RIMS2: variants seen among roughly 807,000 people sequenced by gnomAD.
RIMS2 encodes regulating synaptic membrane exocytosis protein 2.
Under a neutral mutation model 174.4 loss-of-function variants are expected in RIMS2, and 59 were observed. That is an observed-to-expected ratio of 0.34 (90% CI 0.27 to 0.42). RIMS2 has a LOEUF of 0.42. Ranked by LOEUF, RIMS2 falls within the 10% of genes least tolerant of loss-of-function variation. The pLI, the probability that RIMS2 is intolerant of heterozygous loss-of-function variation, is 1.00. For synonymous variants in RIMS2, 606 were observed against 572.5 expected (o/e 1.06, Z -0.84); for missense variants, 1,620 against 1,666.3 (o/e 0.97, Z 0.48).
At chr8:103,819,315 T>C in intron 3 of RIMS2, 1 of 1,414,792 alleles carries the variant, frequency 7.1e-7, no homozygotes, top group Non-Finnish European at 9.2e-7. Flanking sequence ...CTGAATCTTC[T>C]ACGACTGAAT....
chr8:103,506,528 C>T (rs938233804), intron 1 of RIMS2, among the ~76,000 whole-genome samples: 5 of 151,830 alleles, frequency 3.3e-5, no homozygotes, highest in African/African-American at 4.8e-5. Context: ...CTCTGAGTTT[C>T]CTCATCTATA....
chr8:104,093,232 A>G (rs1204728496), intron 19 of RIMS2, among the ~76,000 whole-genome samples: 1 of 151,964 alleles, frequency 6.6e-6, no homozygotes, highest in Non-Finnish European at 1.5e-5. Context: ...AAACTATTTT[A>G]ATGGCCTTCA....
chr8:103,623,959 G>C (rs1029243113), intron 1 of RIMS2, among the ~76,000 whole-genome samples: 3 of 151,920 alleles, frequency 2.0e-5, no homozygotes, highest in Admixed American at 6.5e-5. Flanking sequence ...AAATTTAAGA[G>C]GGAAAAAATG....
chr8:103,836,009 T>G (rs1373650085), intron 3 of RIMS2, among the ~76,000 whole-genome samples: 1 of 152,198 alleles, frequency 6.6e-6, no homozygotes, highest in Non-Finnish European at 1.5e-5. Context: ...TCTGATCAGA[T>G]AAAATAAAGA....
intron 19 of RIMS2, among the ~76,000 whole-genome samples, chr8:104,079,597 TGATA>T (rs1358286667): frequency 1.9e-5 from 1 of 51,716 alleles, no homozygotes; most frequent in African/African-American, 6.8e-5. Context: ...GGATTAAGCA[TGATA>T]TATATATATA....
intron 1 of RIMS2, among the ~76,000 whole-genome samples, chr8:103,670,873 A>G (rs1473135243): frequency 6.6e-6 from 1 of 152,178 alleles, no homozygotes; most frequent in Non-Finnish European, 1.5e-5. Context: ...CTGGACTGTT[A>G]CCCAGTTCCA....
chr8:104,056,403 T>TAAAAA (rs34404639), intron 19 of RIMS2, among the ~76,000 whole-genome samples: 1 of 144,912 alleles, frequency 6.9e-6, no homozygotes, highest in African/African-American at 2.5e-5. Flanking sequence ...GACTCCATCT[T>TAAAAA]AAAAAAAAAA....
chr8:104,117,008 G>A (rs1412028129), intron 19 of RIMS2, among the ~76,000 whole-genome samples: 1 of 151,244 alleles, frequency 6.6e-6, no homozygotes. Flanking sequence ...TTCTAATCTA[G>A]TAGCTCGTAA....
chr8:103,872,652 G>A (rs1030945703), intron 3 of RIMS2, among the ~76,000 whole-genome samples: 3 of 152,170 alleles, frequency 2.0e-5, no homozygotes, highest in African/African-American at 7.2e-5. Context: ...GAGGGCTATT[G>A]TGTTATAGGT....
At chr8:104,020,379 C>T (rs2096057476) in intron 19 of RIMS2, among the ~76,000 whole-genome samples, 1 of 152,114 alleles carries the variant, frequency 6.6e-6, no homozygotes, top group African/African-American at 2.4e-5. Context: ...AGATATTAGA[C>T]ACTCCATACT....
chr8:103,919,583 A>G (rs1298631060), intron 9 of RIMS2, among the ~76,000 whole-genome samples: 1 of 152,038 alleles, frequency 6.6e-6, no homozygotes, highest in East Asian at 1.9e-4. Context: ...TAGTGGCAAG[A>G]TAGTGGTGAC....
chr8:103,821,071 A>G (rs761367688), intron 3 of RIMS2, among the ~76,000 whole-genome samples: 2 of 151,360 alleles, frequency 1.3e-5, no homozygotes, highest in Non-Finnish European at 3.0e-5. Flanking sequence ...GTGTAAATGT[A>G]TTAATATTAG....
At chr8:103,724,558 G>C (rs1310579727) in intron 2 of RIMS2, among the ~76,000 whole-genome samples, 1 of 151,928 alleles carries the variant, frequency 6.6e-6, no homozygotes, top group Admixed American at 6.6e-5. Flanking sequence ...TTTATTTCAA[G>C]ATTACAAAAA....
At chr8:103,683,399 G>C (rs2096902906) in intron 1 of RIMS2, among the ~76,000 whole-genome samples, 1 of 152,118 alleles carries the variant, frequency 6.6e-6, no homozygotes, top group Non-Finnish European at 1.5e-5. Context: ...TTTAGTCCAA[G>C]AATTCACTCA....
At chr8:103,616,438 C>T (rs1006570839) in intron 1 of RIMS2, among the ~76,000 whole-genome samples, 13 of 152,192 alleles carry the variant, frequency 8.5e-5, no homozygotes, top group African/African-American at 2.4e-4. Context: ...AAGCTGGAAG[C>T]ATTCCCCTTG....
chr8:104,249,425 A>C, intron 21 of RIMS2, 62 bp from the exon 28 acceptor site: 1 of 815,132 alleles, frequency 1.2e-6, no homozygotes, highest in African/African-American at 1.7e-5. Context: ...AAGGTCTTTG[A>C]CTCTATTTTC....
intron 17 of RIMS2, among the ~76,000 whole-genome samples, chr8:104,001,171 C>A (rs2095370259): frequency 6.6e-6 from 1 of 151,766 alleles, no homozygotes; most frequent in Non-Finnish European, 1.5e-5. Context: ...TGTTCAATAG[C>A]ACAGTCAGGC....
intron 3 of RIMS2, among the ~76,000 whole-genome samples, chr8:103,784,748 G>A (rs1469484806): frequency 1.7e-5 from 1 of 60,404 alleles, no homozygotes; most frequent in Non-Finnish European, 3.2e-5. Context: ...ACTTGGCGAT[G>A]CGGGCTCTTT....
At chr8:103,917,498 A>G (rs536861237) in intron 8 of RIMS2, among the ~76,000 whole-genome samples, 9 of 152,276 alleles carry the variant, frequency 5.9e-5, no homozygotes, top group South Asian at 2.1e-4. Context: ...TTGATCAAAT[A>G]TATTTCTTGG....
Sources: gnomAD v4.1 joint callset for allele counts (sites outside exome capture counted in the v4.1 genomes callset) on GRCh38, gnomAD v4.1.1 for gene constraint, MANE v1.5 for transcripts, NCBI Gene and HGNC (gene_info 2026-07-23, HGNC 2026-07-21) for gene names.